The following WDR1 variants were observed in gnomAD, a reference collection of about 807,000 sequenced individuals.
The protein encoded by WDR1 is WD repeat-containing protein 1.
A neutral mutation model predicts 71.9 loss-of-function variants in WDR1; 21 were observed. The ratio of observed to expected loss-of-function variants is 0.29; its 90% CI spans 0.21 to 0.42. The LOEUF is 0.42. WDR1 is among the 10% of genes least tolerant of loss of function. WDR1 has a pLI of 1.00. For synonymous variants in WDR1, 424 were observed against 347.4 expected, an observed-to-expected ratio of 1.22 and a Z score of -2.45; for missense variants, 696 against 824.5, an observed-to-expected ratio of 0.84 and a Z score of 1.91.
At chr4:10,108,859 TC>T (rs1713183540) in intron 2 of WDR1, among the ~76,000 whole-genome samples, 1 of 152,166 alleles carries the variant, frequency 6.6e-6, no homozygotes, top group South Asian at 2.1e-4. Context: ...ACCCCCACCT[TC>T]CCTGACTCCC....
chr4:10,093,292 A>AGG (rs1012877986), intron 5 of WDR1: 8 of 455,820 alleles, frequency 1.8e-5, no homozygotes, highest in African/African-American at 1.4e-4. Flanking sequence ...AGCTGGTAGA[A>AGG]GGGGACAGGC....
rs751283975 is a variant in WDR1 at position 10,097,858 on chromosome 4, A to G, written c.411T>C (p.Ser137=). ...TGTGTCCTGTAATCTCGCCCACAGA[A>G]GAGCCACTATCCCAGAGGAAGACTG... The part of the protein sequence containing the change: ...FGAVFLWDSG[S]SVGEITGHNK... Residue 137 remains serine (S), a synonymous_variant, in exon 5 of 15, where the codon TCT becomes TCC. Coordinates refer to ENST00000499869, the MANE Select transcript of WDR1 (RefSeq NM_017491.5). The G allele has an allele frequency of 7.5e-6, 12 of 1,610,730 alleles. No homozygotes were observed. The highest frequency in any genetic ancestry group is 9.3e-6 in the Non-Finnish European group (11 of 1,178,084).
At chr4:10,100,651 G>C (rs983866545) in intron 3 of WDR1, among the ~76,000 whole-genome samples, 4 of 152,192 alleles carry the variant, frequency 2.6e-5, no homozygotes, top group African/African-American at 9.7e-5. Flanking sequence ...AGTCCCAGAA[G>C]GGCCCAGTTC....
Position 10,116,676 on chromosome 4 carries a change from C to A in WDR1, c.-10G>T. 2.2e-6 allele frequency: 3 copies of A among 1,351,030 alleles called. No homozygotes were observed. Among genetic ancestry groups the A allele is most frequent in the Middle Eastern group, 2.3e-4 (1 of 4,402 alleles). The allele number at this position is 1,351,030 out of a possible 1,614,324, so 83.7% of individuals were successfully genotyped here. A position where few individuals can be genotyped will look rare whatever the true frequency, so the allele number is the denominator to read the frequency against. The stretch of plus-strand genomic sequence containing the variant: ...TGATCTCGTACGGCATCCTCGCCCA[C>A]TTGTTACCGCGCCGCGCTCGCCGAG... On this transcript the variant is annotated 5_prime_UTR_variant, in exon 1 of 15. Transcript: ENST00000499869.
chr4:10,103,663 G>A (rs564311974), intron 3 of WDR1, among the ~76,000 whole-genome samples: 1 of 152,294 alleles, frequency 6.6e-6, no homozygotes, highest in South Asian at 2.1e-4. Context: ...GCCATCCGGG[G>A]CCACATGCAG....
intron 2 of WDR1, among the ~76,000 whole-genome samples, chr4:10,107,024 G>A (rs896314856): frequency 7.9e-5 from 12 of 152,274 alleles, no homozygotes; most frequent in African/African-American, 2.9e-4. Context: ...ATTGGGGGTT[G>A]AGAAGCTTAT....
chr4:10,081,487 G>A, intron 10 of WDR1, 43 bp from the exon 11 acceptor site: 1 of 1,583,138 alleles, frequency 6.3e-7, no homozygotes, highest in Non-Finnish European at 8.7e-7. Flanking sequence ...CAATGCAGCA[G>A]CTCAGGGTAG....
chr4:10,098,577 C>T (rs1341245369), intron 4 of WDR1, among the ~76,000 whole-genome samples: 4 of 152,238 alleles, frequency 2.6e-5, no homozygotes, highest in Non-Finnish European at 5.9e-5. Context: ...CTCCCTCCTC[C>T]ATCAGAGACC....
At chr4:10,093,623 C>T (rs1712151046) in intron 5 of WDR1, among the ~76,000 whole-genome samples, 1 of 152,244 alleles carries the variant, frequency 6.6e-6, no homozygotes, top group Admixed American at 6.5e-5. Flanking sequence ...AGAGGCTCAT[C>T]CTAACTAACC....
chr4:10,082,179 C>T (rs541153279), intron 10 of WDR1, among the ~76,000 whole-genome samples: 7 of 152,278 alleles, frequency 4.6e-5, no homozygotes, highest in Admixed American at 4.6e-4. Flanking sequence ...TGCCACTCAT[C>T]GGGAGGCCCA....
intron 14 of WDR1, 61 bp from the exon 15 acceptor site, chr4:10,075,545 G>T: frequency 1.4e-6 from 2 of 1,478,972 alleles, no homozygotes; most frequent in East Asian, 2.3e-5. Context: ...TGTACATCTT[G>T]GACTAGGAAG....
chr4:10,098,884 C>A, intron 4 of WDR1, 108 bp downstream of exon 4: 2 of 1,509,306 alleles, frequency 1.3e-6, no homozygotes, highest in Non-Finnish European at 1.8e-6. Flanking sequence ...TCAACCCTCA[C>A]GAGTGCAAGT....
chr4:10,110,796 C>A (rs556070109), intron 2 of WDR1, among the ~76,000 whole-genome samples: 2 of 152,322 alleles, frequency 1.3e-5, no homozygotes, highest in East Asian at 3.9e-4. Flanking sequence ...GAAGGACGGC[C>A]ATGTACCTTG....
At chr4:10,082,088 T>C (rs1234297099) in intron 10 of WDR1, among the ~76,000 whole-genome samples, 1 of 152,190 alleles carries the variant, frequency 6.6e-6, no homozygotes, top group Admixed American at 6.5e-5. Context: ...GACCCTTTTA[T>C]GGGACGTGTT....
chr4:10,103,785 CCCCA>C, intron 3 of WDR1, 107 bp downstream of exon 3: 1 of 296,658 alleles, frequency 3.4e-6, no homozygotes, highest in Non-Finnish European at 6.6e-6. Flanking sequence ...CTCCCCCACC[CCCCA>C]CCTCCCTCCT....
chr4:10,115,496 C>T (rs1398968766), intron 2 of WDR1, among the ~76,000 whole-genome samples: 1 of 152,194 alleles, frequency 6.6e-6, no homozygotes, highest in Non-Finnish European at 1.5e-5. Context: ...CGGGCTCTGC[C>T]ATACTGGAAG....
chr4:10,086,633 T>C (rs1404676515), intron 8 of WDR1, among the ~76,000 whole-genome samples: 1 of 152,182 alleles, frequency 6.6e-6, no homozygotes, highest in Non-Finnish European at 1.5e-5. Context: ...ACACTAGCCC[T>C]GCAGGGTTCA....
At position 10,080,336 on chromosome 4, in the gene WDR1, C is replaced by T. The variant is rs549229132; in HGVS notation, c.1284+1021G>A. ...GTGCAGACCCCTTGGCTGGGAAGAG[C>T]CCTGCTGTGCAGAGATAGGCCACCT... On this transcript the variant is annotated intron_variant, in intron 11 of 14. Transcript: ENST00000499869. Among the ~76,000 whole-genome samples, 16 of 149,112 alleles carry T rather than the reference C, an allele frequency of 1.1e-4. No individual in the cohort carries two copies. The South Asian group carries it at 2.8e-3, about 26-fold the overall frequency.
At position 10,084,457 on chromosome 4, in the gene WDR1, T is replaced by C. The variant is rs757424886; in HGVS notation, c.1025A>G (p.His342Arg). 2 of 1,613,866 alleles carry C rather than the reference T, an allele frequency of 1.2e-6. No homozygotes were observed. The highest frequency in any genetic ancestry group is 2.2e-5 in the South Asian group (2 of 91,072). The change falls in exon 9 of 15, where the codon CAC (histidine) becomes CGC (arginine). Residue 342 changes from histidine to arginine, a missense_variant. Physicochemically the swap from His to Arg is conservative, Grantham distance 29. Coordinates refer to ENST00000499869, the MANE Select transcript of WDR1 (RefSeq NM_017491.5). ...GGKSYIYSGS[H>R]DGHINYWDSE... is the part of the protein sequence containing the mutation. ...TCAAAGGATATTAATGTGTCCGTCG[T>C]GGCTCCCAGAGTAAATGTAGGACTT...
Sources: gnomAD v4.1 joint callset for allele counts (sites outside exome capture counted in the v4.1 genomes callset) on GRCh38, gnomAD v4.1.1 for gene constraint, MANE v1.5 for transcripts, NCBI Gene and HGNC (gene_info 2026-07-23, HGNC 2026-07-21) for gene names.